The following INPP4B variants were observed in gnomAD, a reference collection of about 807,000 sequenced individuals.
The protein encoded by INPP4B is inositol polyphosphate 4-phosphatase type II.
A neutral mutation model predicts 122.5 loss-of-function variants in INPP4B; 55 were observed. That is an observed-to-expected ratio of 0.45 (90% confidence interval 0.36 to 0.56). The LOEUF (loss-of-function observed/expected upper bound fraction) is 0.56. INPP4B is among the 20% of genes least tolerant of loss of function. The pLI is 0.00. For synonymous variants in INPP4B, 403 were observed against 388.7 expected, an observed-to-expected ratio of 1.04 and a Z score of -0.43; for missense variants, 1,000 against 1,097.7, an observed-to-expected ratio of 0.91 and a Z score of 1.26.
intron 2 of INPP4B, among the ~76,000 whole-genome samples, chr4:142,512,829 C>T (rs1824916291): frequency 6.6e-6 from 1 of 151,966 alleles, no homozygotes; most frequent in Non-Finnish European, 1.5e-5. Flanking sequence ...TTACATTTTC[C>T]TTGTAAAAGT....
At chr4:142,813,311 T>C (rs1779740080) in intron 1 of INPP4B, among the ~76,000 whole-genome samples, 1 of 152,162 alleles carries the variant, frequency 6.6e-6, no homozygotes, top group Non-Finnish European at 1.5e-5. Context: ...TCCCCATTTA[T>C]TTGATAAAAG....
At chr4:142,349,599 A>G (rs1579813607) in intron 7 of INPP4B, among the ~76,000 whole-genome samples, 1 of 152,122 alleles carries the variant, frequency 6.6e-6, no homozygotes, top group Admixed American at 6.6e-5. Context: ...GCCTTTTTTG[A>G]CATCAATAAT....
At chr4:142,191,881 G>A (rs973748303) in intron 15 of INPP4B, among the ~76,000 whole-genome samples, 2 of 151,616 alleles carry the variant, frequency 1.3e-5, no homozygotes, top group South Asian at 2.1e-4. Context: ...TTCCTTAAAA[G>A]GAAAAAAGAA....
intron 5 of INPP4B, among the ~76,000 whole-genome samples, chr4:142,409,051 A>G (rs1039788704): frequency 1.2e-4 from 18 of 152,202 alleles, no homozygotes; most frequent in Non-Finnish European, 1.8e-4. Context: ...TACTTTTGCT[A>G]TGGTAACTAG....
At chr4:142,224,703 T>C (rs963916222) in intron 12 of INPP4B, among the ~76,000 whole-genome samples, 1 of 152,140 alleles carries the variant, frequency 6.6e-6, no homozygotes, top group African/African-American at 2.4e-5. Context: ...TACATAGATA[T>C]ATTTATCACT....
rs997962 is a variant in INPP4B, at chr4:142,724,856, C to T, written c.-191+983G>A. 7.2e-5 allele frequency among the ~76,000 whole-genome samples: 11 copies of T among 152,098 alleles called. No homozygotes were observed. In the East Asian group the frequency reaches 2.1e-3, roughly 29 times the overall value. The stretch of plus-strand genomic sequence containing the variant: ...TGATATCCATTACATTTAAATGCTA[C>T]CTGTATTTCAGTACTCATTTATTTT... On this transcript the variant is annotated intron_variant, in intron 2 of 25. Coordinates refer to ENST00000262992, the MANE Select transcript of INPP4B (RefSeq NM_001101669.3).
intron 1 of INPP4B, among the ~76,000 whole-genome samples, chr4:142,726,239 C>T (rs958762715): frequency 4.6e-5 from 7 of 152,178 alleles, no homozygotes; most frequent in Non-Finnish European, 1.0e-4. Flanking sequence ...AAGATGTAAG[C>T]AATGTCAGGA....
chr4:142,626,110 A>G (rs1455673552), intron 2 of INPP4B, among the ~76,000 whole-genome samples: 1 of 152,208 alleles, frequency 6.6e-6, no homozygotes, highest in Admixed American at 6.5e-5. Context: ...AAGCAATGGC[A>G]ACAGAAGCCA....
intron 7 of INPP4B, among the ~76,000 whole-genome samples, chr4:142,343,169 A>C (rs566406168): frequency 7.9e-5 from 12 of 152,258 alleles, no homozygotes; most frequent in Admixed American, 2.0e-4. Flanking sequence ...CTGTCAACTC[A>C]AACATGCTAA....
chr4:142,439,176 G>T (rs917976284), intron 3 of INPP4B, among the ~76,000 whole-genome samples: 22 of 152,222 alleles, frequency 1.4e-4, no homozygotes, highest in Admixed American at 8.5e-4. Context: ...TTATAGTCAG[G>T]CCATTTCTGC....
chr4:142,432,605 T>C (rs1212110961), intron 3 of INPP4B, among the ~76,000 whole-genome samples: 1 of 152,114 alleles, frequency 6.6e-6, no homozygotes, highest in African/African-American at 2.4e-5. Context: ...TTTTTTACCA[T>C]TAAATTTAGA....
At chr4:142,589,094 G>GA (rs1736869170) in intron 2 of INPP4B, among the ~76,000 whole-genome samples, 1 of 151,906 alleles carries the variant, frequency 6.6e-6, no homozygotes, top group Admixed American at 6.6e-5. Context: ...ATTCAGTAGG[G>GA]AAAAGATAGT....
At chr4:142,211,907 G>A (rs1845065680) in intron 12 of INPP4B, among the ~76,000 whole-genome samples, 1 of 152,106 alleles carries the variant, frequency 6.6e-6, no homozygotes, top group Non-Finnish European at 1.5e-5. Context: ...CTGGGGATAT[G>A]CTAATGCCTG....
intron 2 of INPP4B, among the ~76,000 whole-genome samples, chr4:142,665,171 T>C (rs1431973809): frequency 6.6e-6 from 1 of 152,188 alleles, no homozygotes; most frequent in Non-Finnish European, 1.5e-5. Flanking sequence ...ATACTTCATA[T>C]GCCTTTTGTC....
chr4:142,051,244 T>C (rs923597866), intron 25 of INPP4B, among the ~76,000 whole-genome samples: 2 of 152,186 alleles, frequency 1.3e-5, no homozygotes, highest in Admixed American at 1.3e-4. Flanking sequence ...TCATTAAACA[T>C]TGTTTTGAAC....
intron 2 of INPP4B, among the ~76,000 whole-genome samples, chr4:142,588,188 G>A (rs1242465085): frequency 6.6e-6 from 1 of 151,768 alleles, no homozygotes; most frequent in East Asian, 1.9e-4. Context: ...ACAACCTTCA[G>A]TTAACATTAT....
chr4:142,407,041 T>TA (rs1243140341), intron 5 of INPP4B, among the ~76,000 whole-genome samples: 1 of 152,166 alleles, frequency 6.6e-6, no homozygotes, highest in Non-Finnish European at 1.5e-5. Flanking sequence ...CTTAGAGTTT[T>TA]AAAAAATACT....
At chr4:142,303,078 C>T (rs1013724896) in intron 9 of INPP4B, among the ~76,000 whole-genome samples, 1 of 152,044 alleles carries the variant, frequency 6.6e-6, no homozygotes. Flanking sequence ...GAGTCTAAAT[C>T]TATAAATTAG....
At chr4:142,376,561 C>G (rs532012123) in intron 7 of INPP4B, among the ~76,000 whole-genome samples, 4 of 152,150 alleles carry the variant, frequency 2.6e-5, no homozygotes, top group South Asian at 4.1e-4. Context: ...ACTCTAGACA[C>G]CTGTGGACAC....
Sources: allele counts gnomAD v4.1 joint callset (sites outside exome capture counted in the v4.1 genomes callset), GRCh38; gene constraint gnomAD v4.1.1; transcripts MANE v1.5; gene names NCBI Gene and HGNC (gene_info 2026-07-23, HGNC 2026-07-21).